ADGB: variants seen among roughly 807,000 people sequenced by gnomAD.
The protein encoded by ADGB is calpain-7-like protein.
In ADGB, 172 loss-of-function variants were observed where a neutral mutation model predicts 210.5. The ratio of observed to expected loss-of-function variants is 0.82; its 90% confidence interval spans 0.72 to 0.93. The LOEUF is 0.93. Ranked by LOEUF, ADGB falls within the 40% of genes least tolerant of loss-of-function variation. ADGB has a pLI of 0.00. For missense variants in ADGB, 2,025 were observed against 1,964.8 expected (o/e 1.03, Z -0.58); for synonymous variants, 658 against 662.7 (o/e 0.99, Z 0.11).
At chr6:146,732,414 G>A (rs1172991675) in intron 20 of ADGB, among the ~76,000 whole-genome samples, 2 of 152,110 alleles carry the variant, frequency 1.3e-5, no homozygotes, top group East Asian at 1.9e-4. Context: ...TTTCTGCTGC[G>A]GGTAGGTTAG....
At chr6:146,691,445 A>AATATATATATATATAAATATATAT (rs1177982842) in intron 11 of ADGB, among the ~76,000 whole-genome samples, 155 bp downstream of exon 11, 1 of 16,454 alleles carries the variant, frequency 6.1e-5, no homozygotes, top group Non-Finnish European at 1.0e-4. Flanking sequence ...TATATATAAA[A>AATATATATATATATAAATATATAT]ATATATATAT....
At chr6:146,630,714 A>G (rs1359332734) in intron 1 of ADGB, among the ~76,000 whole-genome samples, 1 of 152,208 alleles carries the variant, frequency 6.6e-6, no homozygotes, top group Non-Finnish European at 1.5e-5. Context: ...TGCCCAAATG[A>G]GGAAAGGAAG....
At chr6:146,643,344 T>C (rs1775546340) in intron 2 of ADGB, among the ~76,000 whole-genome samples, 2 of 151,988 alleles carry the variant, frequency 1.3e-5, no homozygotes, top group African/African-American at 4.8e-5. Flanking sequence ...ACGTGATTAC[T>C]GTGAAAATCA....
intron 1 of ADGB, among the ~76,000 whole-genome samples, chr6:146,610,728 A>G (rs1780696502): frequency 6.6e-6 from 1 of 152,140 alleles, no homozygotes; most frequent in Non-Finnish European, 1.5e-5. Flanking sequence ...AGGGGCCAAG[A>G]TATTCCCAGT....
intron 35 of ADGB, among the ~76,000 whole-genome samples, chr6:146,814,311 C>T (rs1174362586): frequency 6.6e-6 from 1 of 152,158 alleles, no homozygotes; most frequent in Non-Finnish European, 1.5e-5. Context: ...ATCATATTAT[C>T]TTTGAAACAG....
intron 1 of ADGB, among the ~76,000 whole-genome samples, chr6:146,605,328 G>A (rs1200132378): frequency 1.3e-5 from 2 of 152,032 alleles, no homozygotes; most frequent in African/African-American, 2.4e-5. Flanking sequence ...GATCTGTAAG[G>A]TGATTGTGGT....
intron 1 of ADGB, among the ~76,000 whole-genome samples, chr6:146,633,366 C>T (rs1330416386): frequency 6.6e-6 from 1 of 152,052 alleles, no homozygotes. Context: ...TCATCAAATT[C>T]TAATAATATC....
At chr6:146,626,971 T>A (rs960647999) in intron 1 of ADGB, among the ~76,000 whole-genome samples, 16 of 152,064 alleles carry the variant, frequency 1.1e-4, no homozygotes, top group African/African-American at 3.4e-4. Flanking sequence ...TTATTTTTTA[T>A]CTTCTAAAAT....
intron 13 of ADGB, among the ~76,000 whole-genome samples, chr6:146,708,407 T>C (rs974138905): frequency 2.0e-5 from 3 of 152,162 alleles, no homozygotes; most frequent in Non-Finnish European, 4.4e-5. Flanking sequence ...ACAGATCTTG[T>C]GGTGATGAAT....
At position 146,801,722 on chromosome 6, in the gene ADGB, G is replaced by T. The variant is rs142665691; in HGVS notation, c.4635-106G>T. On this transcript the variant is annotated intron_variant, in intron 34 of 35. Transcript: ENST00000397944. ...TATCCCTAATGTTTTATTTGACTCA[G>T]ACCACCACACTGTTGATATGATTTA... is the stretch of plus-strand genomic sequence containing the variant. The T allele has an allele frequency of 5.8e-5, 55 of 948,834 alleles. No individual in the cohort carries two copies. The African/African-American group carries it at 7.2e-4, about 12-fold the overall frequency. The allele number at this position is 948,834 out of a possible 1,614,324, so 58.8% of individuals were successfully genotyped here.
intron 29 of ADGB, among the ~76,000 whole-genome samples, chr6:146,779,422 C>G (rs1003984099): frequency 3.9e-5 from 6 of 152,158 alleles, no homozygotes; most frequent in African/African-American, 1.4e-4. Context: ...CTAATAATGG[C>G]TGAAAATGTC....
chr6:146,748,800 A>G (rs557722433), intron 26 of ADGB, among the ~76,000 whole-genome samples: 1 of 152,216 alleles, frequency 6.6e-6, no homozygotes, highest in Non-Finnish European at 1.5e-5. Flanking sequence ...GGCTGGTCTC[A>G]AACTCTTGGC....
intron 1 of ADGB, among the ~76,000 whole-genome samples, chr6:146,628,165 G>A (rs1439563332): frequency 2.7e-5 from 4 of 150,854 alleles, no homozygotes; most frequent in Admixed American, 6.6e-5. Flanking sequence ...TCACAGGTTT[G>A]GATAGAATTT....
Position 146,726,116 on chromosome 6 carries a change from A to G in ADGB, c.2271A>G (p.Pro757=). 6.5e-7 allele frequency: 1 copy of G among 1,548,590 alleles called. No homozygotes were observed. Among genetic ancestry groups the G allele is most frequent in the Non-Finnish European group, 8.7e-7 (1 of 1,144,102 alleles). Reference sequence around the variant, plus strand: ...TGCTACTCTTCAACGCATACTCCCCAGTAGGACACTCCATACACATCTGCA... The same window carrying G: ...TGCTACTCTTCAACGCATACTCCCCGGTAGGACACTCCATACACATCTGCA... ...RHMLLFNAYS[P]VGHSIHICSM... is the part of the protein sequence containing the mutation. Residue 757 remains proline, a synonymous_variant, in exon 19 of 36, where the codon CCA becomes CCG. Coordinates refer to ENST00000397944, the MANE Select transcript of ADGB (RefSeq NM_024694.4).
chr6:146,612,549 C>A (rs958245939), intron 1 of ADGB, among the ~76,000 whole-genome samples: 3 of 152,140 alleles, frequency 2.0e-5, no homozygotes, highest in African/African-American at 7.2e-5. Flanking sequence ...ACCTTGGCTC[C>A]ACATTCATTT....
chr6:146,696,992 C>CT (rs1186587932), intron 12 of ADGB, among the ~76,000 whole-genome samples: 1 of 152,088 alleles, frequency 6.6e-6, no homozygotes, highest in East Asian at 1.9e-4. Flanking sequence ...TTATTACCAG[C>CT]TAATTAAATT....
At chr6:146,752,006 T>C (rs116481698) in intron 26 of ADGB, among the ~76,000 whole-genome samples, 1 of 152,166 alleles carries the variant, frequency 6.6e-6, no homozygotes, top group Non-Finnish European at 1.5e-5. Flanking sequence ...TACTTTTAGG[T>C]TATCATATCA....
At chr6:146,613,213 G>T (rs984300297) in intron 1 of ADGB, among the ~76,000 whole-genome samples, 5 of 152,076 alleles carry the variant, frequency 3.3e-5, no homozygotes, top group African/African-American at 9.7e-5. Flanking sequence ...AAGTTAAAAG[G>T]CCATTTAAAT....
intron 1 of ADGB, among the ~76,000 whole-genome samples, chr6:146,622,598 A>G (rs1483894695): frequency 4.6e-5 from 7 of 152,214 alleles, no homozygotes; most frequent in African/African-American, 1.4e-4. Context: ...TAGCTTGCCA[A>G]TTTTTAATTG....
Sources: gnomAD v4.1 joint callset for allele counts (sites outside exome capture counted in the v4.1 genomes callset) on GRCh38, gnomAD v4.1.1 for gene constraint, MANE v1.5 for transcripts, NCBI Gene and HGNC (gene_info 2026-07-23, HGNC 2026-07-21) for gene names.